The following CCDC73 variants were observed in gnomAD, a reference collection of about 807,000 sequenced individuals.
The protein encoded by CCDC73 is coiled-coil domain-containing protein 73.
Under a neutral mutation model 116.5 loss-of-function variants are expected in CCDC73, and 95 were observed. The ratio of observed to expected loss-of-function variants is 0.82; its 90% CI spans 0.69 to 0.97. The LOEUF (loss-of-function observed/expected upper bound fraction) is 0.97. Ranked by LOEUF, CCDC73 falls within the 50% of genes least tolerant of loss-of-function variation. The pLI, the probability that CCDC73 is intolerant of heterozygous loss-of-function variation, is 0.00. For missense variants in CCDC73, 1,066 were observed against 1,206.8 expected (o/e 0.88, Z 1.73); for synonymous variants, 398 against 401.3 (o/e 0.99, Z 0.10).
Position 32,614,518 on chromosome 11 carries a change from T to C in CCDC73, c.1800A>G (p.Pro600=). The change falls in exon 16 of 18, where the codon CCA becomes CCG. Residue 600 remains proline (P), a synonymous_variant. Transcript: ENST00000335185. ...CTGGAAGCAATCTGAATTGTTTGAA[T>C]GGCTCATTTTCAGAAACATCTTTAT... ...NNNKDVSENE[P]FKQFRLLPGT... The C allele has an allele frequency of 6.2e-7, 1 of 1,613,392 alleles. No individual in the cohort carries two copies. Among genetic ancestry groups the C allele is most frequent in the Non-Finnish European group, 8.5e-7 (1 of 1,179,546 alleles).
intron 6 of CCDC73, among the ~76,000 whole-genome samples, chr11:32,692,503 T>C (rs1856270031): frequency 6.6e-6 from 1 of 151,864 alleles, no homozygotes; most frequent in Non-Finnish European, 1.5e-5. Flanking sequence ...GGAATTAATA[T>C]AATATATAAA....
At chr11:32,815,136 T>C in the CCDC73 span, among the ~76,000 whole-genome samples, 11 of 152,158 alleles carry the variant, frequency 7.2e-5, no homozygotes, top group Non-Finnish European at 1.3e-4. Flanking sequence ...CTTATGAAAA[T>C]ACTAAAATCA....
chr11:32,626,955 A>G (rs1005795390), intron 14 of CCDC73, among the ~76,000 whole-genome samples: 1 of 152,252 alleles, frequency 6.6e-6, no homozygotes, highest in Admixed American at 6.5e-5. Flanking sequence ...AATGGCAACA[A>G]AAGTCAAAAT....
intron 17 of CCDC73, among the ~76,000 whole-genome samples, chr11:32,608,456 G>GC (rs1226956455): frequency 8.5e-5 from 13 of 152,194 alleles, no homozygotes; most frequent in African/African-American, 3.1e-4. Flanking sequence ...TAATGCAAGA[G>GC]GTGGGTTCTT....
At chr11:32,808,470 C>G in the CCDC73 span, among the ~76,000 whole-genome samples, 2 of 152,136 alleles carry the variant, frequency 1.3e-5, no homozygotes, top group Non-Finnish European at 2.9e-5. Context: ...GAAACCCAGT[C>G]TTTACTAAAA....
chr11:32,742,074 T>C (rs1021925333), intron 2 of CCDC73, among the ~76,000 whole-genome samples: 2 of 152,116 alleles, frequency 1.3e-5, no homozygotes, highest in African/African-American at 4.8e-5. Flanking sequence ...GACACCTGGG[T>C]TGGTTCCAAG....
At chr11:32,630,210 A>C (rs202067379) in intron 14 of CCDC73, among the ~76,000 whole-genome samples, 1 of 152,228 alleles carries the variant, frequency 6.6e-6, no homozygotes, top group African/African-American at 2.4e-5. Flanking sequence ...AGTTTCTTAT[A>C]AACTTTGGTA....
chr11:32,727,848 G>A (rs149220276), intron 2 of CCDC73, among the ~76,000 whole-genome samples: 2,063 of 152,200 alleles, frequency 0.014, 54 homozygotes, highest in African/African-American at 0.047. Flanking sequence ...GGGATTACAG[G>A]TGTGAGCCAC....
chr11:32,797,319 A>T (rs1258704055), upstream of CCDC73, among the ~76,000 whole-genome samples: 1 of 152,194 alleles, frequency 6.6e-6, no homozygotes, highest in Non-Finnish European at 1.5e-5. Context: ...CTCAAAAAAC[A>T]AAAAACAAGT....
At chr11:32,821,582 T>A in the CCDC73 span, among the ~76,000 whole-genome samples, 1 of 152,362 alleles carries the variant, frequency 6.6e-6, no homozygotes, top group African/African-American at 2.4e-5. Flanking sequence ...TTTTATTTCC[T>A]GAAAAGGTGA....
chr11:32,683,505 T>TG (rs1254102517), intron 7 of CCDC73, 31 bp downstream of exon 7: 1 of 1,410,646 alleles, frequency 7.1e-7, no homozygotes, highest in Non-Finnish European at 1.0e-6. Context: ...CTAATCCAGA[T>TG]GGGGGAAAAT....
intron 7 of CCDC73, 54 bp from the exon 8 acceptor site, chr11:32,676,075 C>T: frequency 1.4e-6 from 2 of 1,396,368 alleles, no homozygotes; most frequent in Non-Finnish European, 1.9e-6. Context: ...CACATCGCCA[C>T]ACACAACAAA....
chr11:32,640,407 G>GT (rs879679643), intron 13 of CCDC73, among the ~76,000 whole-genome samples: 7 of 151,440 alleles, frequency 4.6e-5, no homozygotes, highest in Non-Finnish European at 7.4e-5. Flanking sequence ...GATCTTTTTG[G>GT]TTTTTTTTGC....
At chr11:32,705,699 T>A (rs1364565512) in intron 3 of CCDC73, among the ~76,000 whole-genome samples, 1 of 152,090 alleles carries the variant, frequency 6.6e-6, no homozygotes, top group Admixed American at 6.5e-5. Context: ...TTCTGGCTTG[T>A]GAAGTGACAC....
At chr11:32,766,475 A>G (rs1850443232) in intron 1 of CCDC73, among the ~76,000 whole-genome samples, 1 of 152,230 alleles carries the variant, frequency 6.6e-6, no homozygotes, top group Non-Finnish European at 1.5e-5. Flanking sequence ...AGGCAGGAGA[A>G]AGAAATAAAG....
At chr11:32,634,262 TAAC>T (rs774787279) in intron 14 of CCDC73, among the ~76,000 whole-genome samples, 11 of 152,102 alleles carry the variant, frequency 7.2e-5, no homozygotes, top group Non-Finnish European at 1.2e-4. Context: ...ACAAAATCCT[TAAC>T]AAAGCACTAG....
intron 1 of CCDC73, among the ~76,000 whole-genome samples, chr11:32,772,752 T>G (rs115124807): frequency 0.014 from 2,080 of 152,318 alleles, 56 homozygotes; most frequent in African/African-American, 0.047. Context: ...TTATTTGAAC[T>G]ATTGAAGTTT....
At chr11:32,764,650 T>G (rs1019485341) in intron 1 of CCDC73, among the ~76,000 whole-genome samples, 2 of 152,182 alleles carry the variant, frequency 1.3e-5, no homozygotes, top group East Asian at 3.8e-4. Context: ...TACCAGCCAC[T>G]GCAAAAACAT....
rs533567598 is a variant in CCDC73, at chr11:32,619,440, A to G, written c.1186-3311T>C. ...AATCCCAGTGTTTTGGGAGGCTGAG[A>G]TGAGAGGACTACTTGAGGCCAGGAG... On this transcript the variant is annotated intron_variant, in intron 14 of 17. Transcript: ENST00000335185. Among the ~76,000 whole-genome samples, 5 of 152,282 alleles carry G rather than the reference A, an allele frequency of 3.3e-5. No individual in the cohort carries two copies. The South Asian group carries it at 1.0e-3, about 32-fold the overall frequency.
Sources: allele counts gnomAD v4.1 joint callset (sites outside exome capture counted in the v4.1 genomes callset), GRCh38; gene constraint gnomAD v4.1.1; transcripts MANE v1.5; gene names NCBI Gene and HGNC (gene_info 2026-07-23, HGNC 2026-07-21).